DPP8: variants seen among roughly 807,000 people sequenced by gnomAD.
DPP8 encodes dipeptidyl peptidase 8.
Under a neutral mutation model 107.5 loss-of-function variants are expected in DPP8, and 31 were observed. The ratio of observed to expected loss-of-function variants is 0.29; its 90% confidence interval spans 0.22 to 0.39. DPP8 has a LOEUF of 0.39. Ranked by LOEUF, DPP8 falls within the 10% of genes least tolerant of loss-of-function variation. The probability of loss-of-function intolerance (pLI) is 1.00; values close to 1 mark genes in which losing one functional copy is unlikely to be tolerated. For synonymous variants in DPP8, 381 were observed against 356.6 expected (o/e 1.07, Z -0.77); for missense variants, 842 against 1,076.1 (o/e 0.78, Z 3.04).
intron 16 of DPP8, chr15:65,455,883 A>G: frequency 7.9e-7 from 1 of 1,260,046 alleles, no homozygotes; most frequent in Non-Finnish European, 1.0e-6. Flanking sequence ...GGCACTAACC[A>G]GTTGGATTCC....
At chr15:65,497,211 TG>T (rs1441423862) in intron 5 of DPP8, among the ~76,000 whole-genome samples, 1 of 151,424 alleles carries the variant, frequency 6.6e-6, no homozygotes, top group African/African-American at 2.4e-5. Flanking sequence ...TCTTAGAGTG[TG>T]TAATTGGTTT....
At chr15:65,475,954 T>C (rs1027818564) in intron 11 of DPP8, among the ~76,000 whole-genome samples, 1 of 152,154 alleles carries the variant, frequency 6.6e-6, no homozygotes, top group African/African-American at 2.4e-5. Flanking sequence ...GGTTTTGCCA[T>C]GTTGCCTAGG....
At chr15:65,448,399 A>G (rs11634345) in intron 19 of DPP8, among the ~76,000 whole-genome samples, 84,659 of 151,260 alleles carry the variant, frequency 0.56, 26,209 homozygotes, top group African/African-American at 0.83. Context: ...TAGGCTGGGC[A>G]CGGTGGCTCA....
chr15:65,462,260 C>T (rs747960442), intron 15 of DPP8, among the ~76,000 whole-genome samples: 57 of 152,200 alleles, frequency 3.7e-4, no homozygotes, highest in African/African-American at 2.2e-4. Flanking sequence ...TGAGCCACAG[C>T]GCCCGGCTAA....
chr15:65,458,191 T>A (rs1223076413), intron 15 of DPP8, among the ~76,000 whole-genome samples: 1 of 152,230 alleles, frequency 6.6e-6, no homozygotes, highest in East Asian at 1.9e-4. Flanking sequence ...TCATCTAGCC[T>A]GATCTCTTTG....
intron 16 of DPP8, among the ~76,000 whole-genome samples, 181 bp from the exon 17 acceptor site, chr15:65,454,596 G>C (rs910674910): frequency 2.0e-5 from 3 of 152,112 alleles, no homozygotes; most frequent in African/African-American, 7.2e-5. Context: ...ACGCAGTCTC[G>C]GCTCACTGCA....
Position 65,500,927 on chromosome 15 carries a change from G to C in DPP8, c.373-148C>G, listed in dbSNP as rs912987724. On this transcript the variant is annotated intron_variant, in intron 3 of 19. Coordinates refer to ENST00000300141, the MANE Select transcript of DPP8 (RefSeq NM_130434.5). ...GAGTTTCACTCTGTCACCCAGGCTG[G>C]AGTGCAGTGGAGCGATCTTGGCTCA... 4.1e-5 allele frequency: 24 copies of C among 592,592 alleles called. No individual in the cohort carries two copies. The African/African-American group carries it at 4.1e-4, about 10-fold the overall frequency. The allele number at this position is 592,592 out of a possible 1,614,324, so 36.7% of individuals were successfully genotyped here.
rs573494523 is a variant in DPP8 at position 65,444,823 on chromosome 15, G to A, written c.*2061C>T. 1.3e-5 allele frequency: 2 copies of A among 152,274 alleles called. No individual in the cohort carries two copies. Among genetic ancestry groups the A allele is most frequent in the East Asian group, 1.9e-4 (1 of 5,188 alleles). The allele number at this position is 152,274 out of a possible 1,614,324, so 9.4% of individuals were successfully genotyped here. ...ATGGAGTAGCTGCTTAAAAGCTACT[G>A]TATACCATTTCTACTTTGCATATAT... On this transcript the variant is annotated 3_prime_UTR_variant, in exon 20 of 20. Transcript: ENST00000300141.
rs1363659840 is a variant in DPP8, at chr15:65,448,564, C to T, written c.2527-1558G>A. ...GCGGGCACCGGTAGTCCCAGCTACT[C>T]GGGAGGCTGGGGCAGTAGAATGGCG... On this transcript the variant is annotated intron_variant, in intron 19 of 19. Transcript: ENST00000300141. 8.1e-5 allele frequency among the ~76,000 whole-genome samples: 12 copies of T among 148,202 alleles called. No homozygotes were observed. In the East Asian group the frequency reaches 2.0e-3, roughly 25 times the overall value.
In DPP8 at chr15:65,478,640, T is replaced by C. The variant is rs1275418306; in HGVS notation, c.1456+240A>G. Among the ~76,000 whole-genome samples, 3 of 152,336 alleles carry C rather than the reference T, an allele frequency of 2.0e-5. No homozygotes were observed. The East Asian group carries it at 5.8e-4, about 29-fold the overall frequency. ...GGCAAAAGTAAAAAGTAAAAATCAGTAATCCTGTTATTTAAGAGATTATTC... is the reference window on the plus strand; with the variant it reads ...GGCAAAAGTAAAAAGTAAAAATCAGCAATCCTGTTATTTAAGAGATTATTC... On this transcript the variant is annotated intron_variant, in intron 11 of 19. Coordinates refer to ENST00000300141, the MANE Select transcript of DPP8 (RefSeq NM_130434.5).
At chr15:65,458,564 TTAAA>T (rs2140405738) in intron 15 of DPP8, 1 of 152,164 alleles carries the variant, frequency 6.6e-6, no homozygotes, top group Non-Finnish European at 1.5e-5. Flanking sequence ...CCCAGCCTTG[TTAAA>T]TAAATGTTTA....
At chr15:65,468,777 C>A (rs752891543) in intron 12 of DPP8, among the ~76,000 whole-genome samples, 2 of 152,122 alleles carry the variant, frequency 1.3e-5, no homozygotes, top group African/African-American at 4.8e-5. Flanking sequence ...TTTGACCTAG[C>A]GGATGGGAGT....
At position 65,445,479 on chromosome 15, in the gene DPP8, G is replaced by C. The variant is rs1445756030; in HGVS notation, c.*1405C>G. On this transcript the variant is annotated 3_prime_UTR_variant, in exon 20 of 20. Transcript: ENST00000300141. ...TGAAAGCCTATGAGCTCTCTTCATA[G>C]CTAAATCCTAGTGCTAAACCAAGAA... is the stretch of plus-strand genomic sequence containing the variant. 6.5e-6 allele frequency: 1 copy of C among 153,264 alleles called. No homozygotes were observed. The highest frequency in any genetic ancestry group is 1.5e-5 in the Non-Finnish European group (1 of 68,014). The allele number at this position is 153,264 out of a possible 1,614,324, so 9.5% of individuals were successfully genotyped here.
Position 65,480,386 on chromosome 15 carries a change from G to C in DPP8, c.1132C>G (p.Leu378Val). Residue 378 changes from leucine (L) to valine (V), a missense_variant, in exon 10 of 20, where the codon CTA becomes GTA. Physicochemically the swap from Leu to Val is conservative, Grantham distance 32. This residue lies in a region of DPP8 where 663 missense variants were observed against 758.0 expected (regional missense o/e 0.87). Coordinates refer to ENST00000300141, the MANE Select transcript of DPP8 (RefSeq NM_130434.5). ...AGGCGAGTCTGGGAGCGATCTAGTAGGATGGACCAAGCACTATTTAAATAA... is the reference window on the plus strand; with the variant it reads ...AGGCGAGTCTGGGAGCGATCTAGTACGATGGACCAAGCACTATTTAAATAA... The part of the protein sequence containing the change: ...TPEGKYAWSI[L>V]LDRSQTRLQI... 1.9e-6 allele frequency: 3 copies of C among 1,610,034 alleles called. No homozygotes were observed. The highest frequency in any genetic ancestry group is 2.5e-6 in the Non-Finnish European group (3 of 1,178,484).
At chr15:65,455,487 G>C (rs1595865424) in intron 16 of DPP8, 1 of 230,738 alleles carries the variant, frequency 4.3e-6, no homozygotes, top group Non-Finnish European at 8.0e-6. Context: ...TGCTCTTGAG[G>C]CCCTGTCTTC....
intron 12 of DPP8, among the ~76,000 whole-genome samples, chr15:65,473,016 C>T (rs950487689): frequency 6.6e-6 from 1 of 151,828 alleles, no homozygotes; most frequent in Non-Finnish European, 1.5e-5. Flanking sequence ...CCAGCCTAGG[C>T]GACAAAGTCA....
intron 3 of DPP8, among the ~76,000 whole-genome samples, chr15:65,505,279 C>T (rs904359186): frequency 6.6e-5 from 10 of 151,168 alleles, no homozygotes; most frequent in African/African-American, 2.2e-4. Flanking sequence ...GGTGTGAACC[C>T]GGGAGGAGGA....
intron 12 of DPP8, among the ~76,000 whole-genome samples, chr15:65,473,879 G>A (rs1382790751): frequency 2.0e-5 from 3 of 152,088 alleles, no homozygotes; most frequent in African/African-American, 2.4e-5. Flanking sequence ...TGAGGAGGGC[G>A]AATCACAAGG....
At chr15:65,506,923 T>C (rs2070103879) in intron 3 of DPP8, among the ~76,000 whole-genome samples, 2 of 151,802 alleles carry the variant, frequency 1.3e-5, no homozygotes. Flanking sequence ...TTAAAATATA[T>C]AAATAAGCCT....
Sources: allele counts gnomAD v4.1 joint callset (sites outside exome capture counted in the v4.1 genomes callset), GRCh38; gene constraint gnomAD v4.1.1; regional missense constraint gnomAD v4.1.1; transcripts MANE v1.5; gene names NCBI Gene and HGNC (gene_info 2026-07-23, HGNC 2026-07-21).